The following SMAP1 variants were observed in gnomAD, a reference collection of about 807,000 sequenced individuals.
SMAP1 encodes the protein stromal membrane-associated protein 1.
In SMAP1, 24 loss-of-function variants were observed where a neutral mutation model predicts 58.5. The ratio of observed to expected loss-of-function variants is 0.41; its 90% CI spans 0.30 to 0.58. The LOEUF (loss-of-function observed/expected upper bound fraction) is 0.58. SMAP1 is among the 20% of genes least tolerant of loss of function. The pLI is 0.29. For synonymous variants in SMAP1, 216 were observed against 196.6 expected (o/e 1.10, Z -0.82); for missense variants, 563 against 566.3 (o/e 0.99, Z 0.06).
At chr6:70,729,491 G>GTGTGTA (rs1287566747) in intron 1 of SMAP1, among the ~76,000 whole-genome samples, 2 of 150,560 alleles carry the variant, frequency 1.3e-5, no homozygotes. Flanking sequence ...GTGTGTGTGT[G>GTGTGTA]TGTATGTGTG....
intron 1 of SMAP1, among the ~76,000 whole-genome samples, chr6:70,723,316 A>G (rs1031408712): frequency 6.6e-6 from 1 of 152,180 alleles, no homozygotes; most frequent in African/African-American, 2.4e-5. Flanking sequence ...TTAAACATAC[A>G]TTAAACATTT....
intron 7 of SMAP1, 22 bp from the exon 8 acceptor site, chr6:70,852,513 TAAGAC>T: frequency 2.7e-6 from 4 of 1,495,258 alleles, no homozygotes; most frequent in African/African-American, 2.9e-5. Flanking sequence ...TATTCTACGT[TAAGAC>T]GAGAATCTAT....
intron 7 of SMAP1, chr6:70,837,810 GA>G: frequency 1.6e-6 from 2 of 1,258,114 alleles, no homozygotes; most frequent in South Asian, 1.4e-5. Context: ...GGAAAAGAGT[GA>G]AAGGCAGTTA....
chr6:70,790,779 C>T (rs1043149244), intron 4 of SMAP1, among the ~76,000 whole-genome samples: 3 of 152,240 alleles, frequency 2.0e-5, no homozygotes, highest in Admixed American at 6.5e-5. Flanking sequence ...TGTAATAGCA[C>T]CTTTTAGTTT....
intron 1 of SMAP1, among the ~76,000 whole-genome samples, chr6:70,702,322 G>A (rs1767663502): frequency 6.6e-6 from 1 of 151,242 alleles, no homozygotes; most frequent in Admixed American, 6.6e-5. Context: ...TCTTAATTTG[G>A]GAATTCCAAT....
chr6:70,730,845 G>A (rs1425327207), intron 1 of SMAP1, among the ~76,000 whole-genome samples: 1 of 152,256 alleles, frequency 6.6e-6, no homozygotes, highest in East Asian at 1.9e-4. Context: ...TGTCACCCAG[G>A]CTGGAGTACA....
intron 5 of SMAP1, among the ~76,000 whole-genome samples, chr6:70,797,274 G>T (rs573501283): frequency 1.3e-5 from 2 of 152,000 alleles, no homozygotes; most frequent in Non-Finnish European, 2.9e-5. Context: ...TTTATAGTTT[G>T]CAAAGTTGCT....
Position 70,861,441 on chromosome 6 carries a change from A to G in SMAP1, c.*1107A>G. 1 of 536,812 alleles carries G rather than the reference A, an allele frequency of 1.9e-6. No individual in the cohort carries two copies. The highest frequency in any genetic ancestry group is 3.3e-6 in the Non-Finnish European group (1 of 300,360). The allele number at this position is 536,812 out of a possible 1,614,324, so 33.3% of individuals were successfully genotyped here. A position where few individuals can be genotyped will look rare whatever the true frequency, so the allele number is the denominator to read the frequency against. On this transcript the variant is annotated 3_prime_UTR_variant, in exon 11 of 11. Coordinates refer to ENST00000370455, the MANE Select transcript of SMAP1 (RefSeq NM_001044305.3). ...CCAATTTAGTTGTTGTAGAGAAAAC[A>G]TGCAGAACAAATGAAGACAAAACAT...
chr6:70,724,620 A>T (rs1768684730), intron 1 of SMAP1, among the ~76,000 whole-genome samples: 2 of 152,222 alleles, frequency 1.3e-5, no homozygotes, highest in South Asian at 4.1e-4. Flanking sequence ...AATCAGCAAT[A>T]GTATGTGGAA....
At chr6:70,785,363 A>T (rs1311996925) in intron 4 of SMAP1, among the ~76,000 whole-genome samples, 1 of 152,222 alleles carries the variant, frequency 6.6e-6, no homozygotes, top group African/African-American at 2.4e-5. Context: ...AAAGATCCAA[A>T]AGTGACTCCT....
At chr6:70,837,932 T>C in intron 7 of SMAP1, 1 of 1,137,892 alleles carries the variant, frequency 8.8e-7, no homozygotes, top group Non-Finnish European at 1.1e-6. Flanking sequence ...GTTTTATTCA[T>C]TTCTTAGGAA....
At chr6:70,684,834 T>A (rs749434234) in intron 1 of SMAP1, among the ~76,000 whole-genome samples, 1 of 152,120 alleles carries the variant, frequency 6.6e-6, no homozygotes, top group Non-Finnish European at 1.5e-5. Context: ...TCTTCTCTTC[T>A]CTTTTAGAGG....
In SMAP1 at chr6:70,679,207, C is replaced by T. The variant is rs557460946; in HGVS notation, c.118+11066C>T. On this transcript the variant is annotated intron_variant, in intron 1 of 10. Transcript: ENST00000370455. ...CTAATTTTTGTATTTTTGGTAGAGA[C>T]GGAGTTTTGCTATGTTGGCCAGGCT... Among the ~76,000 whole-genome samples, 10 of 151,922 alleles carry T rather than the reference C, an allele frequency of 6.6e-5. No individual in the cohort carries two copies. In the East Asian group the frequency reaches 9.7e-4, roughly 15 times the overall value.
intron 4 of SMAP1, among the ~76,000 whole-genome samples, chr6:70,790,461 C>G (rs540571340): frequency 8.3e-4 from 127 of 152,276 alleles, no homozygotes; most frequent in African/African-American, 3.0e-3. Flanking sequence ...AAGTAAATAT[C>G]CAATAGGACA....
intron 1 of SMAP1, among the ~76,000 whole-genome samples, chr6:70,715,086 C>CT (rs79570681): frequency 3.3e-4 from 39 of 117,392 alleles, no homozygotes; most frequent in Non-Finnish European, 4.0e-4. Context: ...GTGTGGGTTT[C>CT]TTTTTTTTTT....
In SMAP1 at chr6:70,729,489, G is replaced by GTGTA. The variant is rs1383552094; in HGVS notation, c.119-2886_119-2885insATGT. On this transcript the variant is annotated intron_variant, in intron 1 of 10. Transcript: ENST00000370455. ...TGTGTGTGTGTGTGTGTGTGTGTGT[G>GTGTA]TGTGTATGTGTGTATGTATCCAGTT... 4.4e-3 allele frequency among the ~76,000 whole-genome samples: 658 copies of GTGTA among 150,812 alleles called. 5 individuals carry two copies. The highest frequency in any genetic ancestry group is 0.017 in the Middle Eastern group (5 of 290).
At chr6:70,759,910 C>A in intron 3 of SMAP1, 1 of 432,384 alleles carries the variant, frequency 2.3e-6, no homozygotes, top group South Asian at 1.7e-5. Flanking sequence ...CTGACCATGG[C>A]ATTTTATGTA....
intron 1 of SMAP1, among the ~76,000 whole-genome samples, chr6:70,674,360 C>T (rs1766392449): frequency 6.6e-6 from 1 of 152,098 alleles, no homozygotes; most frequent in Admixed American, 6.5e-5. Flanking sequence ...TGATCTGCCT[C>T]CCTCAGTCTC....
chr6:70,691,333 A>T (rs1767158066), intron 1 of SMAP1, among the ~76,000 whole-genome samples: 1 of 152,148 alleles, frequency 6.6e-6, no homozygotes, highest in African/African-American at 2.4e-5. Flanking sequence ...ATATAATAGT[A>T]GGTGGATATA....
Sources: allele counts gnomAD v4.1 joint callset (sites outside exome capture counted in the v4.1 genomes callset), GRCh38; gene constraint gnomAD v4.1.1; transcripts MANE v1.5; gene names NCBI Gene and HGNC (gene_info 2026-07-23, HGNC 2026-07-21).